SPIDR: variants seen among roughly 807,000 people sequenced by gnomAD.
SPIDR encodes scaffold protein involved in DNA repair, also known as DNA repair-scaffolding protein.
In SPIDR, 93 loss-of-function variants were observed where a neutral mutation model predicts 104.6. The observed-to-expected ratio is 0.89, with a 90% confidence interval of 0.75 to 1.06. The LOEUF is 1.06. Ranked by LOEUF, SPIDR falls within the 50% of genes least tolerant of loss-of-function variation. The pLI is 0.00. For missense variants in SPIDR, 1,154 were observed against 1,111.2 expected, an observed-to-expected ratio of 1.04 and a Z score of -0.55; for synonymous variants, 431 against 416.9, an observed-to-expected ratio of 1.03 and a Z score of -0.41.
At chr8:47,446,853 G>A (rs948892718) in intron 8 of SPIDR, among the ~76,000 whole-genome samples, 1 of 152,132 alleles carries the variant, frequency 6.6e-6, no homozygotes, top group Non-Finnish European at 1.5e-5. Context: ...CCAAAGTGCT[G>A]GGATTACAGG....
chr8:47,685,493 A>ATTTTTTTTT (rs1563538977), intron 11 of SPIDR, among the ~76,000 whole-genome samples: 1 of 114,258 alleles, frequency 8.8e-6, no homozygotes, highest in Non-Finnish European at 2.1e-5. Context: ...TTATTTATTT[A>ATTTTTTTTT]TTTATTTATT....
At chr8:47,477,744 A>C (rs1366238667) in intron 8 of SPIDR, among the ~76,000 whole-genome samples, 1 of 152,148 alleles carries the variant, frequency 6.6e-6, no homozygotes, top group Admixed American at 6.5e-5. Flanking sequence ...TGTTTCATTC[A>C]GTGAATATCT....
chr8:47,288,341 A>T (rs1480986101), intron 3 of SPIDR, among the ~76,000 whole-genome samples: 1 of 151,790 alleles, frequency 6.6e-6, no homozygotes, highest in Admixed American at 6.6e-5. Flanking sequence ...GCTAGAGTAC[A>T]GTGGTGTGAT....
intron 5 of SPIDR, among the ~76,000 whole-genome samples, chr8:47,329,396 C>G (rs1327172468): frequency 1.3e-5 from 2 of 152,034 alleles, no homozygotes; most frequent in Admixed American, 6.6e-5. Context: ...TTTGTAGAGA[C>G]AGGGTTTCAC....
intron 8 of SPIDR, among the ~76,000 whole-genome samples, chr8:47,586,571 G>A (rs1374941109): frequency 1.3e-5 from 2 of 151,856 alleles, no homozygotes; most frequent in African/African-American, 2.4e-5. Context: ...TTTCTTAATT[G>A]GATTGTTCAT....
chr8:47,633,300 C>T (rs372300191), intron 10 of SPIDR, among the ~76,000 whole-genome samples: 2 of 151,978 alleles, frequency 1.3e-5, no homozygotes, highest in South Asian at 4.2e-4. Context: ...TCATCTGAGA[C>T]TCTAATGAAG....
intron 2 of SPIDR, among the ~76,000 whole-genome samples, chr8:47,281,346 T>C (rs2037740005): frequency 6.6e-6 from 1 of 152,194 alleles, no homozygotes; most frequent in Non-Finnish European, 1.5e-5. Flanking sequence ...TTACCACATC[T>C]ATTTACTATT....
chr8:47,713,575 C>T lies in SPIDR; in HGVS notation c.2275C>T (p.Pro759Ser). ...CTCTGGTGCAAGTTCCTGTGAGCTG[C>T]CTGGCCCGGTGATGCTCGACAGCCT... The part of the protein sequence containing the change: ...VVSGASSCEL[P>S]GPVMLDSLDS... The change falls in exon 16 of 20, where the codon CCT (proline) becomes TCT (serine). Residue 759 changes from proline to serine, a missense_variant. By Grantham distance (74) the Pro-to-Ser change is moderately conservative. Transcript: ENST00000297423. 1 of 1,614,192 alleles carries T rather than the reference C, an allele frequency of 6.2e-7. No individual in the cohort carries two copies. Among genetic ancestry groups the T allele is most frequent in the African/African-American group, 1.3e-5 (1 of 75,054 alleles).
intron 5 of SPIDR, among the ~76,000 whole-genome samples, chr8:47,389,585 A>T (rs2060333416): frequency 6.8e-6 from 1 of 146,934 alleles, no homozygotes; most frequent in Non-Finnish European, 1.5e-5. Flanking sequence ...GCTATTCAGG[A>T]GGCTGAGGCA....
At chr8:47,625,884 C>A (rs1435292135) in intron 10 of SPIDR, among the ~76,000 whole-genome samples, 2 of 152,182 alleles carry the variant, frequency 1.3e-5, no homozygotes, top group East Asian at 1.9e-4. Context: ...TTGGAAAAAA[C>A]TACTTGAAAG....
At chr8:47,498,461 A>G (rs2154369962) in intron 8 of SPIDR, among the ~76,000 whole-genome samples, 1 of 152,352 alleles carries the variant, frequency 6.6e-6, no homozygotes, top group Non-Finnish European at 1.5e-5. Flanking sequence ...TTGTTTTAAA[A>G]TAAAGCAGTA....
At chr8:47,502,386 G>A (rs980511057) in intron 8 of SPIDR, among the ~76,000 whole-genome samples, 3 of 152,168 alleles carry the variant, frequency 2.0e-5, no homozygotes, top group African/African-American at 7.2e-5. Context: ...TATGTGTGCA[G>A]GAATTTATCC....
intron 5 of SPIDR, among the ~76,000 whole-genome samples, chr8:47,382,836 T>C (rs1300928812): frequency 6.6e-6 from 1 of 152,210 alleles, no homozygotes; most frequent in Admixed American, 6.5e-5. Context: ...GCATTTCTCC[T>C]TTTATGCACC....
At chr8:47,401,067 T>G (rs568828281) in intron 6 of SPIDR, among the ~76,000 whole-genome samples, 108 of 151,300 alleles carry the variant, frequency 7.1e-4, no homozygotes, top group African/African-American at 2.4e-3. Flanking sequence ...GAGGAAGAAA[T>G]GTTAAGGGCA....
intron 8 of SPIDR, among the ~76,000 whole-genome samples, chr8:47,475,108 G>A (rs1246482743): frequency 7.9e-5 from 12 of 152,232 alleles, no homozygotes; most frequent in Non-Finnish European, 1.5e-5. Context: ...AAATAAGAGA[G>A]TGTGTTGGGA....
At chr8:47,561,268 T>C (rs1395141298) in intron 8 of SPIDR, among the ~76,000 whole-genome samples, 6 of 152,354 alleles carry the variant, frequency 3.9e-5, no homozygotes, top group African/African-American at 1.4e-4. Flanking sequence ...GAAAAGTATT[T>C]CTCAATTAGA....
At chr8:47,366,786 G>A (rs191638379) in intron 5 of SPIDR, among the ~76,000 whole-genome samples, 173 of 152,274 alleles carry the variant, frequency 1.1e-3, no homozygotes, top group African/African-American at 3.9e-3. Context: ...TAAAAGGGTT[G>A]GAGAAATAGA....
intron 8 of SPIDR, chr8:47,512,124 C>T: frequency 2.1e-6 from 1 of 469,568 alleles, no homozygotes; most frequent in Non-Finnish European, 3.9e-6. Context: ...CTCTCAGCGT[C>T]TTCTGTTGCT....
chr8:47,436,782 T>C (rs1225826182), intron 7 of SPIDR, among the ~76,000 whole-genome samples: 1 of 152,186 alleles, frequency 6.6e-6, no homozygotes, highest in Non-Finnish European at 1.5e-5. Context: ...CGTCCCTTGC[T>C]TTTTTCTCTC....
Sources: allele counts gnomAD v4.1 joint callset (sites outside exome capture counted in the v4.1 genomes callset), GRCh38; gene constraint gnomAD v4.1.1; transcripts MANE v1.5; gene names NCBI Gene and HGNC (gene_info 2026-07-23, HGNC 2026-07-21).